Variants in PECR observed in about 807,000 individuals in gnomAD.
The protein encoded by PECR is 2,4-dienoyl-CoA reductase-related protein.
In PECR, 30 loss-of-function variants were observed where a neutral mutation model predicts 35.3. That is an observed-to-expected ratio of 0.85 (90% CI 0.64 to 1.15). PECR has a LOEUF of 1.15. Among genes scored for constraint, PECR ranks in the 50% most tolerant of loss-of-function variants. The pLI is 0.00. For synonymous variants in PECR, 148 were observed against 138.9 expected (o/e 1.07, Z -0.46); for missense variants, 392 against 370.8 (o/e 1.06, Z -0.47).
chr2:216,077,398 T>A (rs2105971010), intron 1 of PECR, among the ~76,000 whole-genome samples: 1 of 151,916 alleles, frequency 6.6e-6, no homozygotes, highest in African/African-American at 2.4e-5. Context: ...TCCCAGCTAC[T>A]AGGGAGGCTG....
At chr2:216,054,212 A>C (rs1015352573) in intron 4 of PECR, among the ~76,000 whole-genome samples, 1 of 151,396 alleles carries the variant, frequency 6.6e-6, no homozygotes, top group Non-Finnish European at 1.5e-5. Flanking sequence ...ACTGGAACCC[A>C]GGAGGTGGAG....
At chr2:216,043,116 T>TA (rs1343617660) in intron 7 of PECR, among the ~76,000 whole-genome samples, 12 of 134,486 alleles carry the variant, frequency 8.9e-5, no homozygotes, top group South Asian at 2.2e-4. Flanking sequence ...TATATATATA[T>TA]TTTTTTTTGA....
intron 1 of PECR, among the ~76,000 whole-genome samples, chr2:216,080,733 G>C (rs185651911): frequency 6.6e-6 from 1 of 152,244 alleles, no homozygotes; most frequent in Non-Finnish European, 1.5e-5. Flanking sequence ...CAATAAAGTT[G>C]ATTATTTTTT....
At chr2:216,050,010 G>C (rs1217792507) in intron 5 of PECR, among the ~76,000 whole-genome samples, 1 of 152,136 alleles carries the variant, frequency 6.6e-6, no homozygotes, top group Non-Finnish European at 1.5e-5. Context: ...GTGAGCCTAG[G>C]AGTTTGAGAC....
intron 1 of PECR, 57 bp from the exon 2 acceptor site, chr2:216,066,575 C>T: frequency 2.6e-6 from 4 of 1,531,330 alleles, no homozygotes; most frequent in Non-Finnish European, 2.7e-6. Context: ...GCAATGACCA[C>T]ATTACACCTT....
chr2:216,055,034 C>G (rs889559741), intron 4 of PECR, among the ~76,000 whole-genome samples: 1 of 151,758 alleles, frequency 6.6e-6, no homozygotes, highest in Non-Finnish European at 1.5e-5. Context: ...ATTGCTTGAA[C>G]CCGGGAGGCG....
chr2:216,070,431 C>G (rs1695566938), intron 1 of PECR, among the ~76,000 whole-genome samples: 1 of 152,202 alleles, frequency 6.6e-6, no homozygotes, highest in Non-Finnish European at 1.5e-5. Context: ...ACTTTGTACT[C>G]TTTGACCAAC....
At chr2:216,034,286 C>T (rs1056309330), downstream of PECR, among the ~76,000 whole-genome samples, 6 of 152,218 alleles carry the variant, frequency 3.9e-5, no homozygotes, top group African/African-American at 1.2e-4. Context: ...CCTTAGACCT[C>T]CTGCTACAGG....
At chr2:216,072,130 A>C (rs114764889) in intron 1 of PECR, among the ~76,000 whole-genome samples, 4,335 of 152,300 alleles carry the variant, frequency 0.028, 73 homozygotes, top group Non-Finnish European at 0.044. Flanking sequence ...ATACAGTTAT[A>C]GGCTGTTTTC....
intron 4 of PECR, among the ~76,000 whole-genome samples, chr2:216,053,070 T>G (rs553475680): frequency 5.3e-5 from 8 of 152,158 alleles, no homozygotes; most frequent in Admixed American, 3.3e-4. Context: ...GCCAGGCTGG[T>G]CTCAAACTCC....
intron 1 of PECR, among the ~76,000 whole-genome samples, chr2:216,067,395 G>C (rs183684699): frequency 4.1e-4 from 62 of 152,164 alleles, no homozygotes; most frequent in African/African-American, 1.4e-3. Flanking sequence ...CCTTTCACGG[G>C]GCATTCGGTA....
intron 1 of PECR, among the ~76,000 whole-genome samples, chr2:216,070,365 A>G (rs996856881): frequency 3.9e-5 from 6 of 152,352 alleles, no homozygotes; most frequent in Middle Eastern, 3.4e-3. Context: ...ATTACTAACT[A>G]TAGCCATCAT....
At chr2:216,029,244 C>G (rs1694643085) in intron 7 of PECR, among the ~76,000 whole-genome samples, 1 of 152,144 alleles carries the variant, frequency 6.6e-6, no homozygotes, top group Admixed American at 6.5e-5. Flanking sequence ...CTTTGGGAGG[C>G]TGAGGCAGGC....
chr2:216,062,519 A>G (rs1695376651), intron 3 of PECR, among the ~76,000 whole-genome samples: 1 of 152,166 alleles, frequency 6.6e-6, no homozygotes. Flanking sequence ...TTATATGTGG[A>G]TTTTCTTCAC....
At chr2:216,042,420 G>A (rs568449821) in intron 7 of PECR, among the ~76,000 whole-genome samples, 12 of 152,342 alleles carry the variant, frequency 7.9e-5, no homozygotes, top group African/African-American at 2.6e-4. Context: ...GAAAGAGTAC[G>A]TAGACCCTGG....
chr2:216,078,587 CAA>C (rs35963126), intron 1 of PECR, among the ~76,000 whole-genome samples: 32 of 85,478 alleles, frequency 3.7e-4, no homozygotes, highest in Non-Finnish European at 3.9e-4. Context: ...AACTCCATCT[CAA>C]AAAAAAAAAA....
intron 7 of PECR, among the ~76,000 whole-genome samples, chr2:216,031,177 C>A (rs1264906378): frequency 6.6e-6 from 1 of 152,026 alleles, no homozygotes; most frequent in African/African-American, 2.4e-5. Flanking sequence ...GAGGCTGAGG[C>A]AGGCAGATCA....
intron 1 of PECR, among the ~76,000 whole-genome samples, chr2:216,074,213 G>A (rs777106378): frequency 4.6e-5 from 7 of 152,220 alleles, no homozygotes; most frequent in Non-Finnish European, 7.3e-5. Context: ...GGGAGGCCAA[G>A]GCCGGTGGAT....
At position 216,054,306 on chromosome 2, in the gene PECR, A is replaced by G. The variant is rs552308415; in HGVS notation, c.507-2761T>C. Among the ~76,000 whole-genome samples, 8 of 151,198 alleles carry G rather than the reference A, an allele frequency of 5.3e-5. No individual in the cohort carries two copies. In the East Asian group the frequency reaches 1.2e-3, roughly 22 times the overall value. On this transcript the variant is annotated intron_variant, in intron 4 of 7. Coordinates refer to ENST00000265322, the MANE Select transcript of PECR (RefSeq NM_018441.6). ...CCATCTCAAAAAAAAAAGAAAAAAA[A>G]AAAAGAAAAGTAGGAAATAACTGAG...
Sources: allele counts gnomAD v4.1 joint callset (sites outside exome capture counted in the v4.1 genomes callset), GRCh38; gene constraint gnomAD v4.1.1; transcripts MANE v1.5; gene names NCBI Gene and HGNC (gene_info 2026-07-23, HGNC 2026-07-21).